The following PTPRD variants were observed in gnomAD, a reference collection of about 807,000 sequenced individuals.
The protein encoded by PTPRD is receptor-type tyrosine-protein phosphatase delta.
Under a neutral mutation model 214.5 loss-of-function variants are expected in PTPRD, and 34 were observed. That is an observed-to-expected ratio of 0.16 (90% CI 0.12 to 0.21). The LOEUF (loss-of-function observed/expected upper bound fraction) is 0.21. Among genes scored for constraint, PTPRD ranks in the 10% least tolerant of loss-of-function variants. PTPRD has a pLI of 1.00. For missense variants in PTPRD, 2,545 were observed against 2,398.7 expected, an observed-to-expected ratio of 1.06 and a Z score of -1.27; for synonymous variants, 1,128 against 845.7, an observed-to-expected ratio of 1.33 and a Z score of -5.79.
chr9:8,940,579 C>T (rs2099027402), intron 11 of PTPRD, among the ~76,000 whole-genome samples: 1 of 151,160 alleles, frequency 6.6e-6, no homozygotes, highest in African/African-American at 2.4e-5. Flanking sequence ...CAGGTGTGAG[C>T]CACCGCACCC....
intron 11 of PTPRD, among the ~76,000 whole-genome samples, chr9:8,761,574 T>C (rs767741309): frequency 1.3e-5 from 2 of 152,122 alleles, no homozygotes; most frequent in African/African-American, 2.4e-5. Context: ...GCTGCAAAGG[T>C]TAGTAGAAAG....
chr9:10,207,965 C>G (rs546909972), intron 3 of PTPRD, among the ~76,000 whole-genome samples: 1 of 152,238 alleles, frequency 6.6e-6, no homozygotes, highest in South Asian at 2.1e-4. Flanking sequence ...GAGTTGTTTC[C>G]TTGGAGAAGC....
rs867313023 is a variant in PTPRD at position 10,216,769 on chromosome 9, C to T, written c.-545+124194G>A. Among the ~76,000 whole-genome samples, 33 of 152,066 alleles carry T rather than the reference C, an allele frequency of 2.2e-4. 1 individual carries two copies. In the Middle Eastern group the frequency reaches 0.01, roughly 47 times the overall value. On this transcript the variant is annotated intron_variant, in intron 3 of 45. Coordinates refer to ENST00000381196, the MANE Select transcript of PTPRD (RefSeq NM_002839.4). ...CAACTGTGGTTTATTTCCTGAATCC[C>T]GAAAAGCAGTGATTTGACATGCAAG...
intron 30 of PTPRD, among the ~76,000 whole-genome samples, chr9:8,473,404 C>A (rs2096697851): frequency 6.6e-6 from 1 of 152,100 alleles, no homozygotes; most frequent in Admixed American, 6.6e-5. Context: ...CCGAACAAGT[C>A]CATCATGTTA....
intron 39 of PTPRD, among the ~76,000 whole-genome samples, chr9:8,375,499 C>T (rs1223388320): frequency 6.6e-6 from 1 of 152,026 alleles, no homozygotes. Context: ...AAGATAGTCT[C>T]CCTAAAGCTT....
At chr9:8,852,923 G>A (rs1490370856) in intron 11 of PTPRD, among the ~76,000 whole-genome samples, 4 of 152,188 alleles carry the variant, frequency 2.6e-5, no homozygotes, top group African/African-American at 9.6e-5. Context: ...GGGAGGCACT[G>A]CAGGCATTGT....
chr9:9,784,182 T>C (rs2098895789), intron 5 of PTPRD, among the ~76,000 whole-genome samples: 5 of 152,130 alleles, frequency 3.3e-5, no homozygotes. Flanking sequence ...TGACATATAA[T>C]GCATAGTTTT....
At chr9:9,822,146 C>G (rs1325047585) in intron 5 of PTPRD, among the ~76,000 whole-genome samples, 1 of 150,880 alleles carries the variant, frequency 6.6e-6, no homozygotes, top group Non-Finnish European at 1.5e-5. Flanking sequence ...GATGTGGTGG[C>G]TCACTCCTGT....
chr9:10,164,294 A>G (rs944880553), intron 3 of PTPRD, among the ~76,000 whole-genome samples: 1 of 151,594 alleles, frequency 6.6e-6, no homozygotes, highest in Non-Finnish European at 1.5e-5. Context: ...ACACACTTTC[A>G]AAATACAAAT....
At chr9:9,207,572 G>A (rs528549120) in intron 9 of PTPRD, among the ~76,000 whole-genome samples, 3 of 152,124 alleles carry the variant, frequency 2.0e-5, no homozygotes, top group Non-Finnish European at 4.4e-5. Flanking sequence ...AATCAACTTT[G>A]TGGAAAAACG....
chr9:9,839,316 C>T (rs2057695920), intron 5 of PTPRD, among the ~76,000 whole-genome samples: 4 of 152,048 alleles, frequency 2.6e-5, no homozygotes, highest in East Asian at 1.9e-4. Flanking sequence ...TTGTCTCAGC[C>T]CAAAATCTCC....
intron 4 of PTPRD, among the ~76,000 whole-genome samples, chr9:10,029,883 C>T (rs993933112): frequency 1.3e-5 from 2 of 152,112 alleles, no homozygotes; most frequent in Non-Finnish European, 2.9e-5. Flanking sequence ...GCTGTGTCCC[C>T]ACTCAAATTT....
At chr9:9,394,929 G>C (rs2067213882) in intron 9 of PTPRD, among the ~76,000 whole-genome samples, 4 of 152,122 alleles carry the variant, frequency 2.6e-5, no homozygotes, top group Admixed American at 1.3e-4. Context: ...AGTCAGCTTT[G>C]GAATGCAGTG....
At chr9:8,378,827 A>G (rs1350362436) in intron 37 of PTPRD, among the ~76,000 whole-genome samples, 4 of 152,120 alleles carry the variant, frequency 2.6e-5, no homozygotes, top group Admixed American at 2.6e-4. Flanking sequence ...GAGATGAAGG[A>G]AAGAATGAGA....
intron 43 of PTPRD, among the ~76,000 whole-genome samples, chr9:8,335,827 G>T (rs7865195): frequency 6.6e-6 from 1 of 152,078 alleles, no homozygotes; most frequent in Non-Finnish European, 1.5e-5. Flanking sequence ...AAAGTCACAA[G>T]CACTCCTATA....
chr9:10,209,693 A>G (rs1348284647), intron 3 of PTPRD, among the ~76,000 whole-genome samples: 4 of 152,052 alleles, frequency 2.6e-5, no homozygotes, highest in Admixed American at 2.6e-4. Context: ...GTATTTTTCA[A>G]TATTCTACTT....
chr9:9,917,322 A>G (rs902447419), intron 5 of PTPRD, among the ~76,000 whole-genome samples: 5 of 147,760 alleles, frequency 3.4e-5, no homozygotes, highest in African/African-American at 1.3e-4. Flanking sequence ...AAAAAAAAAA[A>G]AGAGAGTAGA....
chr9:9,726,555 T>C (rs2154435900), intron 7 of PTPRD, among the ~76,000 whole-genome samples: 1 of 152,360 alleles, frequency 6.6e-6, no homozygotes, highest in Admixed American at 6.5e-5. Flanking sequence ...AGTTTAAATG[T>C]TAAACAGTTA....
chr9:9,415,518 T>C lies in PTPRD; in HGVS notation c.-236-18036A>G, dbSNP rs2076736731. 1.3e-5 allele frequency among the ~76,000 whole-genome samples: 2 copies of C among 152,004 alleles called. 1 individual carries two copies. Among genetic ancestry groups the C allele is most frequent in the South Asian group, 4.2e-4 (2 of 4,816 alleles). ...AAAATAAAAAAATTTTAAAAAACCC[T>C]CTCTAATGAGATTTATGAGCCAAGA... On this transcript the variant is annotated intron_variant, in intron 8 of 45. Coordinates refer to ENST00000381196, the MANE Select transcript of PTPRD (RefSeq NM_002839.4).
Sources: gnomAD v4.1 joint callset for allele counts (sites outside exome capture counted in the v4.1 genomes callset) on GRCh38, gnomAD v4.1.1 for gene constraint, MANE v1.5 for transcripts, NCBI Gene and HGNC (gene_info 2026-07-23, HGNC 2026-07-21) for gene names.